Variants in RALGPS1 observed in about 807,000 individuals in gnomAD.
The protein encoded by RALGPS1 is Ral GEF with PH domain and SH3 binding motif 1, also known as ras-specific guanine nucleotide-releasing factor RalGPS1.
A neutral mutation model predicts 78.8 loss-of-function variants in RALGPS1; 19 were observed. That is an observed-to-expected ratio of 0.24 (90% confidence interval 0.17 to 0.35). RALGPS1 has a LOEUF of 0.35. RALGPS1 is among the 10% of genes least tolerant of loss of function. RALGPS1 has a pLI of 1.00. For synonymous variants in RALGPS1, 228 were observed against 256.3 expected (o/e 0.89, Z 1.06); for missense variants, 454 against 688.3 (o/e 0.66, Z 3.81).
intron 1 of RALGPS1, among the ~76,000 whole-genome samples, chr9:126,959,325 C>G (rs959132785): frequency 2.6e-5 from 4 of 152,130 alleles, no homozygotes; most frequent in Non-Finnish European, 4.4e-5. Flanking sequence ...GCCTCCCAAA[C>G]TGCTGGGATT....
At chr9:126,990,052 G>C in intron 4 of RALGPS1, 1 of 1,542,076 alleles carries the variant, frequency 6.5e-7, no homozygotes, top group Non-Finnish European at 8.7e-7. Flanking sequence ...GAAGAAGCGG[G>C]CGTTCCAGAA....
chr9:127,046,382 A>G (rs1333441113), intron 5 of RALGPS1, among the ~76,000 whole-genome samples: 1 of 152,188 alleles, frequency 6.6e-6, no homozygotes, highest in Non-Finnish European at 1.5e-5. Context: ...AATTGTAGAT[A>G]GTGCTTCAAT....
intron 7 of RALGPS1, among the ~76,000 whole-genome samples, chr9:127,067,470 G>T (rs2049817887): frequency 6.6e-6 from 1 of 152,224 alleles, no homozygotes; most frequent in Admixed American, 6.5e-5. Flanking sequence ...GGCAGGGCCT[G>T]CCCAAAGCAG....
intron 3 of RALGPS1, among the ~76,000 whole-genome samples, chr9:126,971,250 A>G (rs1372311018): frequency 6.6e-6 from 1 of 152,098 alleles, no homozygotes; most frequent in East Asian, 1.9e-4. Context: ...AATTAAAACT[A>G]AAATTTAGGA....
intron 7 of RALGPS1, among the ~76,000 whole-genome samples, chr9:127,065,259 G>A (rs1295597975): frequency 3.3e-5 from 5 of 152,026 alleles, no homozygotes; most frequent in Admixed American, 6.6e-5. Flanking sequence ...GATTACAGGC[G>A]CACACCACCA....
chr9:127,054,996 T>TGAGA (rs10555826), intron 7 of RALGPS1, among the ~76,000 whole-genome samples: 6,637 of 138,590 alleles, frequency 0.048, 157 homozygotes, highest in Non-Finnish European at 0.054. Context: ...AGAGATTGAT[T>TGAGA]GAGAGAGAGA....
intron 1 of RALGPS1, among the ~76,000 whole-genome samples, chr9:126,928,974 C>A (rs2035559998): frequency 6.6e-6 from 1 of 152,138 alleles, no homozygotes; most frequent in Non-Finnish European, 1.5e-5. Context: ...TTCTCACTTT[C>A]TCTCTAATAA....
chr9:126,963,423 T>C (rs2039113225), intron 2 of RALGPS1, among the ~76,000 whole-genome samples: 1 of 152,236 alleles, frequency 6.6e-6, no homozygotes, highest in Admixed American at 6.5e-5. Context: ...CATTCACACA[T>C]ATATGCTGTG....
At chr9:127,008,214 G>A (rs79881667) in intron 4 of RALGPS1, among the ~76,000 whole-genome samples, 1,583 of 152,152 alleles carry the variant, frequency 0.01, 22 homozygotes, top group African/African-American at 0.036. Context: ...TGAGTTGGAA[G>A]TGCCTGTGTG....
chr9:127,036,789 A>G (rs202064711), intron 5 of RALGPS1, among the ~76,000 whole-genome samples: 14 of 152,338 alleles, frequency 9.2e-5, no homozygotes, highest in East Asian at 7.7e-4. Context: ...GAAGTTCTCA[A>G]TCTTTTTTGG....
chr9:127,218,633 C>T lies in RALGPS1; in HGVS notation c.1645-107C>T, dbSNP rs113100100. The T allele has an allele frequency of 6.6e-6, 8 of 1,212,594 alleles. No individual in the cohort carries two copies. The highest frequency in any genetic ancestry group is 2.3e-5 in the East Asian group (1 of 42,944). The allele number at this position is 1,212,594 out of a possible 1,614,324, so 75.1% of individuals were successfully genotyped here. A position where few individuals can be genotyped will look rare whatever the true frequency, so the allele number is the denominator to read the frequency against. The stretch of plus-strand genomic sequence containing the variant: ...ATACCCTCTCCCTACCCAACCTGCT[C>T]ATTCCCAGACTCACGGGGAAAGGCC... On this transcript the variant is annotated intron_variant, in intron 18 of 18. Coordinates refer to ENST00000259351, the MANE Select transcript of RALGPS1 (RefSeq NM_014636.3). The surrounding 1 kb of genome is among the most constrained non-coding windows in gnomAD (Gnocchi z 4.4).
chr9:126,932,364 C>G (rs1260951144), intron 1 of RALGPS1, among the ~76,000 whole-genome samples: 1 of 152,132 alleles, frequency 6.6e-6, no homozygotes, highest in Non-Finnish European at 1.5e-5. Context: ...TACCTTATGA[C>G]CCAGCAGTTC....
chr9:127,093,705 A>G (rs1298771644), intron 8 of RALGPS1: 1 of 1,611,626 alleles, frequency 6.2e-7, no homozygotes, highest in Admixed American at 1.7e-5. Context: ...CCTTGTGGGC[A>G]GCACAGACAT....
Position 127,218,853 on chromosome 9 carries a change from C to T in RALGPS1, c.*84C>T. 6.8e-7 allele frequency: 1 copy of T among 1,479,036 alleles called. No individual in the cohort carries two copies. Among genetic ancestry groups the T allele is most frequent in the Non-Finnish European group, 9.5e-7 (1 of 1,057,504 alleles). The allele number at this position is 1,479,036 out of a possible 1,614,324, so 91.6% of individuals were successfully genotyped here. ...GGTGAAGAGCAGTCCTGGGCACAGG[C>T]TGTGAGCCAGGGTGCTGGGAAACTC... On this transcript the variant is annotated 3_prime_UTR_variant, in exon 19 of 19. Transcript: ENST00000259351. The surrounding 1 kb of genome is among the most constrained non-coding windows in gnomAD (Gnocchi z 4.4).
At chr9:127,187,870 G>A (rs1002682317) in intron 11 of RALGPS1, among the ~76,000 whole-genome samples, 5 of 152,044 alleles carry the variant, frequency 3.3e-5, no homozygotes, top group African/African-American at 9.7e-5. Flanking sequence ...GTGTTGCAGC[G>A]CTTTGAGCAG....
intron 4 of RALGPS1, among the ~76,000 whole-genome samples, chr9:126,999,959 G>C (rs1377865913): frequency 6.6e-6 from 1 of 152,138 alleles, no homozygotes; most frequent in East Asian, 1.9e-4. Context: ...CATTGAGCCT[G>C]TGCATTTTAT....
At position 127,218,743 on chromosome 9, in the gene RALGPS1, C is replaced by G. The variant is rs200288518; in HGVS notation, c.1648C>G (p.Pro550Ala). The G allele has an allele frequency of 2.5e-6, 4 of 1,614,058 alleles. No homozygotes were observed. The highest frequency in any genetic ancestry group is 2.5e-6 in the Non-Finnish European group (3 of 1,179,880). The change falls in exon 19 of 19, where the codon CCT (proline) becomes GCT (alanine). Residue 550 changes from proline to alanine, a missense_variant. Physicochemically the swap from Pro to Ala is conservative, Grantham distance 27 (BLOSUM62 -1). Coordinates refer to ENST00000259351, the MANE Select transcript of RALGPS1 (RefSeq NM_014636.3). The surrounding 1 kb of genome is among the most constrained non-coding windows in gnomAD (Gnocchi z 4.4). ...DACKSNRPQV[P>A]ANLMSFE ...GAGGCTGAGCTTTCTCTTCTAGGTA[C>G]CTGCAAACCTTATGTCATTTGAGTA...
In RALGPS1 at chr9:127,219,125, T is replaced by C; in HGVS notation, c.*356T>C. 4 of 304,120 alleles carry C rather than the reference T, an allele frequency of 1.3e-5. No homozygotes were observed. In the South Asian group the frequency reaches 1.6e-4, roughly 12 times the overall value. The allele number at this position is 304,120 out of a possible 1,614,324, so 18.8% of individuals were successfully genotyped here. The stretch of plus-strand genomic sequence containing the variant: ...ACAGAGTGGACAGCGCTAACTAACC[T>C]GTGAGAGGGGCCCGAGAGAAGGAAC... On this transcript the variant is annotated 3_prime_UTR_variant, in exon 19 of 19. Transcript: ENST00000259351. The surrounding 1 kb of genome is among the most constrained non-coding windows in gnomAD (Gnocchi z 5.0).
intron 8 of RALGPS1, among the ~76,000 whole-genome samples, chr9:127,111,689 C>G (rs751297127): frequency 3.9e-5 from 6 of 152,164 alleles, no homozygotes; most frequent in Non-Finnish European, 8.8e-5. Flanking sequence ...TCCAGTTTCC[C>G]GTGTTCTCAT....
Sources: allele counts gnomAD v4.1 joint callset (sites outside exome capture counted in the v4.1 genomes callset), GRCh38; gene constraint gnomAD v4.1.1; non-coding constraint Gnocchi (gnomAD v3.1); transcripts MANE v1.5; gene names NCBI Gene and HGNC (gene_info 2026-07-23, HGNC 2026-07-21).